TRHDE: variants seen among roughly 807,000 people sequenced by gnomAD.
TRHDE encodes the protein thyrotropin releasing hormone degrading enzyme, also known as thyrotropin-releasing hormone-degrading ectoenzyme.
TRHDE carries 72 observed loss-of-function variants against 125.7 expected under a neutral mutation model. The observed-to-expected ratio is 0.57, with a 90% CI of 0.47 to 0.70. TRHDE has a LOEUF of 0.70. TRHDE is among the 30% of genes least tolerant of loss of function. TRHDE has a pLI of 0.00. For synonymous variants in TRHDE, 509 were observed against 509.1 expected (o/e 1.00, Z 0.00); for missense variants, 1,110 against 1,327.1 (o/e 0.84, Z 2.54).
chr12:72,442,422 C>G (rs1042659761), intron 3 of TRHDE, among the ~76,000 whole-genome samples: 8 of 151,884 alleles, frequency 5.3e-5, no homozygotes, highest in South Asian at 4.1e-4. Flanking sequence ...CAGTCTGGCT[C>G]TCATCCCCAG....
rs1470847327 is a variant in TRHDE at position 72,549,550 on chromosome 12, A to T, written c.1788+7194A>T. Among the ~76,000 whole-genome samples the T allele has an allele frequency of 2.6e-5, 4 of 151,838 alleles. No homozygotes were observed. In the East Asian group the frequency reaches 7.7e-4, roughly 29 times the overall value. On this transcript the variant is annotated intron_variant, in intron 7 of 18. Transcript: ENST00000261180. ...GTGCAGTTTTAGATATGCTATCGGT[A>T]AAAAGGTTAATAACTTGAAAATAAT...
intron 2 of TRHDE, among the ~76,000 whole-genome samples, chr12:72,298,134 A>G (rs1880373761): frequency 6.6e-6 from 1 of 152,220 alleles, no homozygotes; most frequent in African/African-American, 2.4e-5. Flanking sequence ...AGGCTAATAG[A>G]AGCTAATAGA....
At chr12:72,111,874 T>C (rs1166380204) in intron 2 of TRHDE, among the ~76,000 whole-genome samples, 1 of 152,140 alleles carries the variant, frequency 6.6e-6, no homozygotes, top group East Asian at 1.9e-4. Context: ...AATATGTGTC[T>C]ACACAGAGTC....
chr12:72,478,766 G>T (rs562057887), intron 5 of TRHDE, among the ~76,000 whole-genome samples: 2 of 152,096 alleles, frequency 1.3e-5, no homozygotes, highest in African/African-American at 4.8e-5. Flanking sequence ...TATGCTTGAG[G>T]AATCCTAATG....
intron 3 of TRHDE, among the ~76,000 whole-genome samples, chr12:72,437,738 A>G (rs1015087080): frequency 6.6e-6 from 1 of 151,838 alleles, no homozygotes; most frequent in African/African-American, 2.4e-5. Context: ...AACTAAATCT[A>G]ACTAATGAAC....
At chr12:72,431,211 C>T (rs189841432) in intron 3 of TRHDE, among the ~76,000 whole-genome samples, 1 of 152,114 alleles carries the variant, frequency 6.6e-6, no homozygotes, top group African/African-American at 2.4e-5. Context: ...AGAAATAGCA[C>T]TCAAGAAAGA....
chr12:72,464,466 C>T (rs1876274598), intron 3 of TRHDE, among the ~76,000 whole-genome samples: 1 of 152,116 alleles, frequency 6.6e-6, no homozygotes, highest in Non-Finnish European at 1.5e-5. Context: ...GTTGTATCTT[C>T]ACATGGCAGA....
At chr12:72,470,434 T>C (rs543064197) in intron 4 of TRHDE, among the ~76,000 whole-genome samples, 1 of 152,248 alleles carries the variant, frequency 6.6e-6, no homozygotes, top group Non-Finnish European at 1.5e-5. Flanking sequence ...TGTCTTGGCA[T>C]GTTTAGAAAT....
chr12:72,545,875 T>A (rs914260136), intron 7 of TRHDE, among the ~76,000 whole-genome samples: 1 of 151,620 alleles, frequency 6.6e-6, no homozygotes, highest in Non-Finnish European at 1.5e-5. Context: ...TCAGTGTAAA[T>A]TCCATCTTCT....
chr12:72,434,986 T>A (rs892399562), intron 3 of TRHDE, among the ~76,000 whole-genome samples: 4 of 152,166 alleles, frequency 2.6e-5, no homozygotes, highest in Middle Eastern at 3.2e-3. Flanking sequence ...TGTTTAAATG[T>A]GTAGTGGGAA....
intron 2 of TRHDE, among the ~76,000 whole-genome samples, chr12:72,341,660 A>G (rs987397164): frequency 6.6e-6 from 1 of 152,128 alleles, no homozygotes; most frequent in Non-Finnish European, 1.5e-5. Flanking sequence ...AAGCAGAGAG[A>G]GTTCTAAAAT....
At chr12:72,104,377 G>GT (rs770222184) in intron 1 of TRHDE, among the ~76,000 whole-genome samples, 84 of 152,198 alleles carry the variant, frequency 5.5e-4, no homozygotes, top group Non-Finnish European at 1.0e-3. Flanking sequence ...AATAGAGAGG[G>GT]TAAAGCACAC....
rs552225876 is a variant in TRHDE, at chr12:72,659,756, G to A, written c.3066+2748G>A. Among the ~76,000 whole-genome samples the A allele has an allele frequency of 5.6e-4, 85 of 152,196 alleles. 1 individual carries two copies. Among genetic ancestry groups the A allele is most frequent in the African/African-American group, 1.8e-3 (76 of 41,520 alleles). On this transcript the variant is annotated intron_variant, in intron 18 of 18. Transcript: ENST00000261180. ...TTATTAAATGTTATTTTATAAAAGT[G>A]CCTAAAGTTGCAACATTTTAAAATA...
intron 3 of TRHDE, among the ~76,000 whole-genome samples, chr12:72,466,843 A>G (rs1395222049): frequency 6.6e-6 from 1 of 151,808 alleles, no homozygotes; most frequent in Non-Finnish European, 1.5e-5. Context: ...TCACTATCTT[A>G]CTCTGTTACA....
At chr12:72,120,322 T>C (rs1875548578) in intron 2 of TRHDE, among the ~76,000 whole-genome samples, 1 of 152,152 alleles carries the variant, frequency 6.6e-6, no homozygotes, top group Non-Finnish European at 1.5e-5. Context: ...GTGCTGGGAT[T>C]ACAGGTGTGA....
chr12:72,278,822 C>A (rs1879588577), intron 1 of TRHDE, among the ~76,000 whole-genome samples: 1 of 152,132 alleles, frequency 6.6e-6, no homozygotes, highest in Non-Finnish European at 1.5e-5. Flanking sequence ...TGTTTGATTT[C>A]ATTATATGTT....
intron 1 of TRHDE, among the ~76,000 whole-genome samples, chr12:72,092,906 T>C (rs555527493): frequency 6.6e-6 from 1 of 152,316 alleles, no homozygotes; most frequent in African/African-American, 2.4e-5. Context: ...TCCTCTACCA[T>C]GGAAACTCAC....
At chr12:72,298,141 TAGAA>T (rs1186301795) in intron 2 of TRHDE, among the ~76,000 whole-genome samples, 2 of 152,166 alleles carry the variant, frequency 1.3e-5, no homozygotes, top group Non-Finnish European at 2.9e-5. Flanking sequence ...TAGAAGCTAA[TAGAA>T]AGAGCTTGAA....
chr12:72,245,984 C>A (rs1878568883), intron 2 of TRHDE, among the ~76,000 whole-genome samples: 1 of 152,060 alleles, frequency 6.6e-6, no homozygotes, highest in Admixed American at 6.6e-5. Flanking sequence ...CTATATTTAA[C>A]CATCACTATT....
Sources: allele counts gnomAD v4.1 joint callset (sites outside exome capture counted in the v4.1 genomes callset), GRCh38; gene constraint gnomAD v4.1.1; transcripts MANE v1.5; gene names NCBI Gene and HGNC (gene_info 2026-07-23, HGNC 2026-07-21).